SPEF2: variants seen among roughly 807,000 people sequenced by gnomAD.
SPEF2 encodes sperm flagella and cilia-associated protein 2.
SPEF2 carries 187 observed loss-of-function variants against 224.6 expected under a neutral mutation model. The observed-to-expected ratio is 0.83, with a 90% CI of 0.74 to 0.94. The LOEUF (loss-of-function observed/expected upper bound fraction) is 0.94, where lower values mean the gene tolerates loss of function less well. Ranked by LOEUF, SPEF2 falls within the 40% of genes least tolerant of loss-of-function variation. The pLI is 0.00. For synonymous variants in SPEF2, 715 were observed against 707.3 expected, an observed-to-expected ratio of 1.01 and a Z score of -0.17; for missense variants, 2,170 against 2,135.6, an observed-to-expected ratio of 1.02 and a Z score of -0.32.
chr5:35,664,979 C>T (rs1201141464), intron 8 of SPEF2, among the ~76,000 whole-genome samples: 3 of 152,054 alleles, frequency 2.0e-5, no homozygotes, highest in African/African-American at 7.2e-5. Flanking sequence ...TAAGACAGTT[C>T]CTGATTTCAA....
Position 35,759,568 on chromosome 5 carries a change from G to A in SPEF2, c.3469G>A (p.Ala1157Thr), listed in dbSNP as rs952971996. 2.5e-6 allele frequency: 4 copies of A among 1,573,462 alleles called. No individual in the cohort carries two copies. The Admixed American group carries it at 6.9e-5, about 27-fold the overall frequency. Residue 1157 changes from alanine to threonine, a missense_variant and splice_region_variant, in exon 25 of 37, where the codon GCA becomes ACA. By Grantham distance (58) the Ala-to-Thr change is moderately conservative. Coordinates refer to ENST00000356031, the MANE Select transcript of SPEF2 (RefSeq NM_024867.4). ...TTAACATTCACATTTGCTATTAAAG[G>A]CAGAGCTGAACCGTTTCCAAGATAC... The part of the protein sequence containing the change: ...TMNHFFSLMQ[A>T]ELNRFQDTKR...
intron 16 of SPEF2, among the ~76,000 whole-genome samples, chr5:35,703,604 T>G (rs1395624792): frequency 6.6e-6 from 1 of 151,238 alleles, no homozygotes; most frequent in Admixed American, 6.6e-5. Flanking sequence ...GGCTTGGGGG[T>G]TGGGAGGTTG....
At chr5:35,807,429 A>G (rs1016843530) in intron 36 of SPEF2, among the ~76,000 whole-genome samples, 176 bp downstream of exon 36, 2 of 152,174 alleles carry the variant, frequency 1.3e-5, no homozygotes, top group African/African-American at 4.8e-5. Flanking sequence ...AGCCTGAAAT[A>G]CCCAAAGGGC....
At chr5:35,791,885 A>T (rs1033463278) in intron 30 of SPEF2, among the ~76,000 whole-genome samples, 6 of 152,164 alleles carry the variant, frequency 3.9e-5, no homozygotes, top group Non-Finnish European at 8.8e-5. Flanking sequence ...AAAAGGCAAG[A>T]TGTGGATAAA....
chr5:35,763,209 C>G (rs1261003699), intron 25 of SPEF2, among the ~76,000 whole-genome samples: 1 of 152,166 alleles, frequency 6.6e-6, no homozygotes, highest in African/African-American at 2.4e-5. Context: ...TGCTCTGGAA[C>G]AAATTCCAAA....
At chr5:35,646,614 A>G (rs1178938546) in intron 4 of SPEF2, 53 bp from the exon 5 acceptor site, 33 of 1,548,226 alleles carry the variant, frequency 2.1e-5, no homozygotes, top group Admixed American at 5.7e-5. Flanking sequence ...AGTGTATTAT[A>G]TTGCCTATTC....
At chr5:35,661,254 T>TTTTATATA (rs1749654454) in intron 8 of SPEF2, among the ~76,000 whole-genome samples, 1 of 93,996 alleles carries the variant, frequency 1.1e-5, no homozygotes, top group African/African-American at 3.7e-5. Context: ...TTGGTATATA[T>TTTTATATA]TATATATATA....
intron 19 of SPEF2, chr5:35,711,000 A>C: frequency 2.0e-6 from 1 of 510,786 alleles, no homozygotes; most frequent in Non-Finnish European, 2.5e-6. Flanking sequence ...AGCAGACAGC[A>C]CTGCCCCTGC....
At chr5:35,779,834 C>T (rs11741496) in intron 30 of SPEF2, among the ~76,000 whole-genome samples, 41,683 of 152,110 alleles carry the variant, frequency 0.27, 5,895 homozygotes, top group African/African-American at 0.33. Flanking sequence ...ATTAATTAGT[C>T]GGTTTGTTCA....
At chr5:35,628,063 C>T (rs530486247) in intron 1 of SPEF2, among the ~76,000 whole-genome samples, 1 of 152,244 alleles carries the variant, frequency 6.6e-6, no homozygotes, top group Non-Finnish European at 1.5e-5. Context: ...TTTCATCTCA[C>T]TTGGCCAAAA....
chr5:35,659,171 A>G lies in SPEF2; in HGVS notation c.1131A>G (p.Arg377=). 6.2e-7 allele frequency: 1 copy of G among 1,612,086 alleles called. No homozygotes were observed. The highest frequency in any genetic ancestry group is 8.5e-7 in the Non-Finnish European group (1 of 1,178,914). ...GAGAAAAACAACATGAGGAAAGACG[A>G]CTTAAAGATTTCCAGGATGCTCTTG... ...IFREKQHEER[R]LKDFQDALDR... The change falls in exon 8 of 37, where the codon CGA becomes CGG. Residue 377 remains arginine (R), a synonymous_variant. Coordinates refer to ENST00000356031, the MANE Select transcript of SPEF2 (RefSeq NM_024867.4).
chr5:35,702,882 C>T (rs946627667), intron 16 of SPEF2, among the ~76,000 whole-genome samples: 2 of 151,982 alleles, frequency 1.3e-5, no homozygotes, highest in South Asian at 2.1e-4. Flanking sequence ...ATAAGTACTA[C>T]AGAGAAGCCA....
intron 19 of SPEF2, chr5:35,710,197 A>G: frequency 2.0e-6 from 2 of 984,782 alleles, no homozygotes; most frequent in Non-Finnish European, 2.4e-6. Flanking sequence ...CCGCTGTCTC[A>G]TTAGGAAATT....
chr5:35,726,023 G>C (rs1744591573), intron 20 of SPEF2, among the ~76,000 whole-genome samples: 1 of 152,168 alleles, frequency 6.6e-6, no homozygotes, highest in Non-Finnish European at 1.5e-5. Flanking sequence ...ATGGTTGCAT[G>C]GATGGTACTT....
At chr5:35,776,220 A>C (rs1400298871) in intron 28 of SPEF2, 37 bp from the exon 29 acceptor site, 1 of 1,584,268 alleles carries the variant, frequency 6.3e-7, no homozygotes, top group Non-Finnish European at 8.6e-7. Context: ...CATGCACTGC[A>C]ATATGTTAAA....
At position 35,779,304 on chromosome 5, in the gene SPEF2, C is replaced by T; in HGVS notation, c.4405C>T (p.Leu1469Phe). The T allele has an allele frequency of 6.2e-7, 1 of 1,613,142 alleles. No individual in the cohort carries two copies. The highest frequency in any genetic ancestry group is 8.5e-7 in the Non-Finnish European group (1 of 1,179,632). The change falls in exon 30 of 37, where the codon CTT becomes TTT. Residue 1469 changes from leucine (L) to phenylalanine (F), a missense_variant. Leu to Phe is a conservative substitution (Grantham distance 22). Coordinates refer to ENST00000356031, the MANE Select transcript of SPEF2 (RefSeq NM_024867.4). The part of the protein sequence containing the change: ...EEDGTLTIEQ[L>F]DSLRDQFLDM... ...AGATGGTACCCTGACCATTGAACAG[C>T]TTGACAGTCTTCGAGATCAGTTCTT...
At position 35,667,052 on chromosome 5, in the gene SPEF2, A is replaced by AT. The variant is rs1339998173; in HGVS notation, c.1168-19dup. The stretch of plus-strand genomic sequence containing the variant: ...TTGATTCAATTATAGTGACTTAAAA[A>AT]TATGTTTTTGCCTTTTTAGGCTTTG... On this transcript the variant is annotated intron_variant, in intron 8 of 36. Transcript: ENST00000356031. 3 of 1,580,206 alleles carry AT rather than the reference A, an allele frequency of 1.9e-6. No homozygotes were observed. The African/African-American group carries it at 4.1e-5, about 22-fold the overall frequency.
intron 1 of SPEF2, among the ~76,000 whole-genome samples, chr5:35,628,185 AT>A (rs1744537619): frequency 6.6e-6 from 1 of 151,786 alleles, no homozygotes; most frequent in South Asian, 2.1e-4. Flanking sequence ...TTTTGGTAGC[AT>A]TTTAAAAAAA....
rs1019959130 is a variant in SPEF2 at position 35,670,433 on chromosome 5, T to A, written c.1524+206T>A. On this transcript the variant is annotated intron_variant, in intron 10 of 36. Coordinates refer to ENST00000356031, the MANE Select transcript of SPEF2 (RefSeq NM_024867.4). ...TATTATCTATTGTTCCTAGTAATCT[T>A]AGGGGAGTGGTCTGAAAAAACATCA... 1.1e-5 allele frequency: 13 copies of A among 1,205,356 alleles called. No homozygotes were observed. In the African/African-American group the frequency reaches 2.1e-4, roughly 19 times the overall value. The allele number at this position is 1,205,356 out of a possible 1,614,324, so 74.7% of individuals were successfully genotyped here. A position where few individuals can be genotyped will look rare whatever the true frequency, so the allele number is the denominator to read the frequency against.
Sources: allele counts gnomAD v4.1 joint callset (sites outside exome capture counted in the v4.1 genomes callset), GRCh38; gene constraint gnomAD v4.1.1; transcripts MANE v1.5; gene names NCBI Gene and HGNC (gene_info 2026-07-23, HGNC 2026-07-21).